The following AGBL1 variants were observed in gnomAD, a reference collection of about 807,000 sequenced individuals.
AGBL1 encodes AGBL carboxypeptidase 1.
AGBL1 carries 130 observed loss-of-function variants against 118.9 expected under a neutral mutation model. That is an observed-to-expected ratio of 1.09 (90% CI 0.95 to 1.26). AGBL1 has a LOEUF of 1.26. AGBL1 is among the 50% of genes most tolerant of loss of function. AGBL1 has a pLI of 0.00. For synonymous variants in AGBL1, 555 were observed against 478.9 expected, an observed-to-expected ratio of 1.16 and a Z score of -2.08; for missense variants, 1,584 against 1,298.1, an observed-to-expected ratio of 1.22 and a Z score of -3.38.
chr15:86,777,959 G>A (rs913218736), intron 22 of AGBL1, among the ~76,000 whole-genome samples: 2 of 152,078 alleles, frequency 1.3e-5, no homozygotes, highest in Non-Finnish European at 2.9e-5. Context: ...CAGATATCGG[G>A]CGAAGTTCAC....
chr15:86,714,076 A>G (rs905399181), intron 22 of AGBL1, among the ~76,000 whole-genome samples: 1 of 152,182 alleles, frequency 6.6e-6, no homozygotes, highest in African/African-American at 2.4e-5. Flanking sequence ...GACACCAGCT[A>G]TGAGGCATAG....
chr15:86,461,498 C>G (rs2082334608), intron 18 of AGBL1, among the ~76,000 whole-genome samples: 1 of 152,094 alleles, frequency 6.6e-6, no homozygotes, highest in Admixed American at 6.6e-5. Flanking sequence ...GCACACATAC[C>G]ATGCAGATAT....
intron 22 of AGBL1, among the ~76,000 whole-genome samples, chr15:86,842,206 G>A (rs1329930896): frequency 1.0e-4 from 15 of 145,382 alleles, no homozygotes; most frequent in Non-Finnish European, 2.2e-4. Flanking sequence ...TGAGTCCTCA[G>A]CCATCGATAT....
chr15:86,353,960 C>T (rs952930625), intron 17 of AGBL1, among the ~76,000 whole-genome samples: 1 of 152,128 alleles, frequency 6.6e-6, no homozygotes, highest in Non-Finnish European at 1.5e-5. Context: ...TCATGCATGG[C>T]TCAAGACACA....
chr15:87,002,015 GC>G (rs931992486), intron 24 of AGBL1, among the ~76,000 whole-genome samples: 1 of 152,042 alleles, frequency 6.6e-6, no homozygotes, highest in Non-Finnish European at 1.5e-5. Flanking sequence ...GGCTTTGGTT[GC>G]CATTGCTTTT....
chr15:86,149,003 C>T (rs536478439), intron 3 of AGBL1, among the ~76,000 whole-genome samples: 129 of 152,120 alleles, frequency 8.5e-4, no homozygotes, highest in Non-Finnish European at 1.5e-3. Context: ...ATTTTCAACC[C>T]AGAATTTCAT....
chr15:86,564,960 G>A (rs149932114), intron 21 of AGBL1, among the ~76,000 whole-genome samples: 49 of 152,208 alleles, frequency 3.2e-4, no homozygotes, highest in African/African-American at 1.0e-3. Flanking sequence ...CATAGATCTC[G>A]TGCCATGGTT....
At chr15:86,600,506 C>T (rs1474829967) in intron 21 of AGBL1, among the ~76,000 whole-genome samples, 1 of 152,144 alleles carries the variant, frequency 6.6e-6, no homozygotes, top group East Asian at 1.9e-4. Context: ...TGTCAAGCCA[C>T]CTCTGTGTAT....
At chr15:86,978,394 G>A (rs1178128011) in intron 23 of AGBL1, among the ~76,000 whole-genome samples, 5 of 152,192 alleles carry the variant, frequency 3.3e-5, no homozygotes, top group African/African-American at 9.6e-5. Flanking sequence ...AGTTCTAAAA[G>A]TAGGAGGCAG....
intron 22 of AGBL1, among the ~76,000 whole-genome samples, chr15:86,735,471 A>C (rs961767593): frequency 2.4e-4 from 37 of 152,048 alleles, no homozygotes; most frequent in African/African-American, 8.7e-4. Context: ...AGGAAAATGC[A>C]CACATATATA....
At chr15:86,123,742 G>A (rs914435374) in intron 1 of AGBL1, among the ~76,000 whole-genome samples, 7 of 152,122 alleles carry the variant, frequency 4.6e-5, no homozygotes, top group African/African-American at 1.7e-4. Flanking sequence ...CTCCCTAAAG[G>A]GTATAAAACC....
intron 23 of AGBL1, among the ~76,000 whole-genome samples, chr15:86,982,554 C>T (rs2081241829): frequency 6.6e-6 from 1 of 152,070 alleles, no homozygotes; most frequent in Admixed American, 6.6e-5. Context: ...CTACCTCCTC[C>T]ACCTCGCCTG....
intron 17 of AGBL1, among the ~76,000 whole-genome samples, chr15:86,371,402 C>T (rs1307918345): frequency 2.6e-5 from 4 of 152,178 alleles, no homozygotes; most frequent in Admixed American, 2.6e-4. Context: ...GCCTGGAGTG[C>T]CTTTTCTTCC....
At chr15:86,209,015 G>A (rs2078045150) in intron 5 of AGBL1, among the ~76,000 whole-genome samples, 1 of 152,128 alleles carries the variant, frequency 6.6e-6, no homozygotes, top group Admixed American at 6.5e-5. Context: ...GGTATGTTGT[G>A]TCTTTGTTCT....
intron 17 of AGBL1, among the ~76,000 whole-genome samples, chr15:86,299,076 C>T (rs567392142): frequency 1.1e-4 from 17 of 152,212 alleles, no homozygotes; most frequent in African/African-American, 3.6e-4. Context: ...TCAGTTGAGT[C>T]GTCACCAGAT....
intron 22 of AGBL1, among the ~76,000 whole-genome samples, chr15:86,846,197 C>A (rs1055734934): frequency 2.6e-5 from 4 of 152,162 alleles, no homozygotes; most frequent in Non-Finnish European, 5.9e-5. Flanking sequence ...TATGACATCT[C>A]AGCTAGAAAA....
At chr15:86,832,982 G>T (rs2079126182) in intron 22 of AGBL1, among the ~76,000 whole-genome samples, 1 of 152,162 alleles carries the variant, frequency 6.6e-6, no homozygotes, top group African/African-American at 2.4e-5. Context: ...ATCATGGAAG[G>T]CAAACGAGGA....
At chr15:86,336,361 C>T (rs988344687) in intron 17 of AGBL1, among the ~76,000 whole-genome samples, 8 of 152,188 alleles carry the variant, frequency 5.3e-5, no homozygotes, top group African/African-American at 9.6e-5. Context: ...TTGCAAGAGA[C>T]GCCCCTGAGG....
At chr15:86,488,300 C>T (rs1414394169) in intron 18 of AGBL1, among the ~76,000 whole-genome samples, 2 of 152,040 alleles carry the variant, frequency 1.3e-5, no homozygotes, top group East Asian at 3.9e-4. Context: ...CATTCCATCC[C>T]AACTGAAAAG....
Sources: gnomAD v4.1 joint callset for allele counts (sites outside exome capture counted in the v4.1 genomes callset) on GRCh38, gnomAD v4.1.1 for gene constraint, MANE v1.5 for transcripts, NCBI Gene and HGNC (gene_info 2026-07-23, HGNC 2026-07-21) for gene names.